CDIP1: variants seen among roughly 807,000 people sequenced by gnomAD.
The protein encoded by CDIP1 is cell death inducing p53 target 1, also known as cell death-inducing p53-target protein 1.
A neutral mutation model predicts 17.7 loss-of-function variants in CDIP1; 9 were observed. That is an observed-to-expected ratio of 0.51 (90% CI 0.31 to 0.89). The LOEUF is 0.89. Among genes scored for constraint, CDIP1 ranks in the 40% least tolerant of loss-of-function variants. The pLI, the probability that CDIP1 is intolerant of heterozygous loss-of-function variation, is 0.05. For synonymous variants in CDIP1, 117 were observed against 109.5 expected (o/e 1.07, Z -0.43); for missense variants, 263 against 277.9 (o/e 0.95, Z 0.38).
At chr16:4,525,882 C>T (rs1006556714) in intron 1 of CDIP1, among the ~76,000 whole-genome samples, 1 of 152,178 alleles carries the variant, frequency 6.6e-6, no homozygotes, top group East Asian at 1.9e-4. Flanking sequence ...GGAGGCAGGA[C>T]GAGACAGTCC....
chr16:4,536,005 C>T (rs969277600), intron 1 of CDIP1, among the ~76,000 whole-genome samples: 37 of 152,240 alleles, frequency 2.4e-4, no homozygotes, highest in Non-Finnish European at 3.7e-4. Flanking sequence ...CCTGTCACCA[C>T]TGCCGGCCTG....
intron 1 of CDIP1, among the ~76,000 whole-genome samples, chr16:4,537,343 G>A (rs916881588): frequency 2.6e-5 from 4 of 152,150 alleles, no homozygotes; most frequent in Non-Finnish European, 5.9e-5. Flanking sequence ...ATGTGTAGAG[G>A]GGGAGTCTTC....
chr16:4,525,767 T>C (rs1247751163), intron 1 of CDIP1, among the ~76,000 whole-genome samples: 1 of 152,084 alleles, frequency 6.6e-6, no homozygotes, highest in Non-Finnish European at 1.5e-5. Flanking sequence ...CTCAGGGAGG[T>C]TGCCAATGTG....
At chr16:4,523,148 G>C (rs371414672) in intron 1 of CDIP1, among the ~76,000 whole-genome samples, 2 of 152,320 alleles carry the variant, frequency 1.3e-5, no homozygotes, top group East Asian at 3.9e-4. Context: ...CCTCTAAGGG[G>C]AGGGCGGGGG....
In CDIP1 at chr16:4,511,574, GGT is replaced by G. The variant is rs1302864976; in HGVS notation, c.*996_*997del. 1 of 152,392 alleles carries G rather than the reference GGT, an allele frequency of 6.6e-6. No homozygotes were observed. The highest frequency in any genetic ancestry group is 2.4e-5 in the African/African-American group (1 of 41,462). The allele number at this position is 152,392 out of a possible 1,614,324, so 9.4% of individuals were successfully genotyped here. On this transcript the variant is annotated 3_prime_UTR_variant, in exon 6 of 6. Coordinates refer to ENST00000567695, the MANE Select transcript of CDIP1 (RefSeq NM_013399.3). Reference sequence around the variant, plus strand: ...CTAGCCCAGTGTGCCTGCAGGAGCAGGTGTGAGCAGGCACAGCAACAGCCTGT... The same window carrying G: ...CTAGCCCAGTGTGCCTGCAGGAGCAGGTGAGCAGGCACAGCAACAGCCTGT...
intron 1 of CDIP1, among the ~76,000 whole-genome samples, chr16:4,537,057 G>A (rs906031031): frequency 6.6e-6 from 1 of 152,142 alleles, no homozygotes; most frequent in Non-Finnish European, 1.5e-5. Context: ...AATACCCAGG[G>A]CTTCCATTAA....
At chr16:4,526,229 ACT>A (rs1041277259) in intron 1 of CDIP1, among the ~76,000 whole-genome samples, 5 of 151,858 alleles carry the variant, frequency 3.3e-5, no homozygotes, top group Non-Finnish European at 5.9e-5. Flanking sequence ...ACATGGTGAA[ACT>A]CTGTTTGTAC....
intron 1 of CDIP1, among the ~76,000 whole-genome samples, chr16:4,534,802 T>A (rs1292876960): frequency 6.7e-6 from 1 of 148,700 alleles, no homozygotes; most frequent in Non-Finnish European, 1.5e-5. Flanking sequence ...CACTGCAACC[T>A]CCACCTGCCA....
chr16:4,528,249 T>G (rs1454232006), intron 1 of CDIP1, among the ~76,000 whole-genome samples: 1 of 152,246 alleles, frequency 6.6e-6, no homozygotes, highest in African/African-American at 2.4e-5. Context: ...GTCTTTGTTT[T>G]TTCCTTTTTG....
At chr16:4,538,032 C>A (rs551356710) in intron 1 of CDIP1, among the ~76,000 whole-genome samples, 1 of 152,306 alleles carries the variant, frequency 6.6e-6, no homozygotes, top group East Asian at 1.9e-4. Flanking sequence ...GGCTCGGCCA[C>A]GGGGCTCCTC....
At chr16:4,524,757 G>A (rs372473819) in intron 1 of CDIP1, among the ~76,000 whole-genome samples, 4 of 152,160 alleles carry the variant, frequency 2.6e-5, no homozygotes, top group African/African-American at 9.7e-5. Context: ...TTGGTTTACT[G>A]GTTAATTATT....
chr16:4,519,734 C>A (rs1382798072), intron 1 of CDIP1, among the ~76,000 whole-genome samples: 1 of 152,092 alleles, frequency 6.6e-6, no homozygotes, highest in Non-Finnish European at 1.5e-5. Context: ...ACTTCTCACT[C>A]TGTTAGTCCC....
chr16:4,536,945 G>A (rs2141665929), intron 1 of CDIP1, among the ~76,000 whole-genome samples: 1 of 152,138 alleles, frequency 6.6e-6, no homozygotes, highest in East Asian at 1.9e-4. Context: ...ATAAATAAAT[G>A]AACCTTTGTA....
intron 1 of CDIP1, among the ~76,000 whole-genome samples, chr16:4,521,807 G>A (rs191213750): frequency 1.5e-3 from 230 of 151,878 alleles, no homozygotes; most frequent in African/African-American, 5.1e-3. Context: ...GCTGAGCCTC[G>A]GTTTCTTCCT....
chr16:4,530,978 T>C (rs2059050931), intron 1 of CDIP1, among the ~76,000 whole-genome samples: 1 of 152,248 alleles, frequency 6.6e-6, no homozygotes, highest in Non-Finnish European at 1.5e-5. Flanking sequence ...AGACTTATTC[T>C]GGAAGCTTGG....
chr16:4,513,173 A>T lies in CDIP1; in HGVS notation c.242-109T>A. 8.5e-7 allele frequency: 1 copy of T among 1,177,874 alleles called. No homozygotes were observed. The highest frequency in any genetic ancestry group is 1.2e-6 in the Non-Finnish European group (1 of 862,086). 73.0% of individuals were successfully genotyped at this position (1,177,874 alleles called of 1,614,324 possible). A position where few individuals can be genotyped will look rare whatever the true frequency, so the allele number is the denominator to read the frequency against. ...TCCACAGCGCCCAGCGTGCAAGGCT[A>T]CGCCTCAGACCTCCTACCGCCCTCC... On this transcript the variant is annotated intron_variant, in intron 4 of 5. Coordinates refer to ENST00000567695, the MANE Select transcript of CDIP1 (RefSeq NM_013399.3). This position sits in a 1 kb window ranked among gnomAD's most constrained non-coding sequence, Gnocchi z 4.1.
intron 1 of CDIP1, among the ~76,000 whole-genome samples, chr16:4,527,783 T>C (rs1284673859): frequency 6.6e-6 from 1 of 152,220 alleles, no homozygotes; most frequent in East Asian, 1.9e-4. Flanking sequence ...AGCTATATAA[T>C]GTAACTGTAT....
At chr16:4,527,455 A>G (rs1165338880) in intron 1 of CDIP1, among the ~76,000 whole-genome samples, 1 of 152,184 alleles carries the variant, frequency 6.6e-6, no homozygotes, top group East Asian at 1.9e-4. Flanking sequence ...TCTAAACCTA[A>G]AAGTACTAAG....
intron 1 of CDIP1, among the ~76,000 whole-genome samples, chr16:4,535,226 C>T (rs2059095962): frequency 6.6e-6 from 1 of 152,170 alleles, no homozygotes; most frequent in East Asian, 1.9e-4. Flanking sequence ...TGAACAATTA[C>T]ATCTCAGGAA....
Sources: allele counts gnomAD v4.1 joint callset (sites outside exome capture counted in the v4.1 genomes callset), GRCh38; gene constraint gnomAD v4.1.1; non-coding constraint Gnocchi (gnomAD v3.1); transcripts MANE v1.5; gene names NCBI Gene and HGNC (gene_info 2026-07-23, HGNC 2026-07-21).